The following IDE variants were observed in gnomAD, a reference collection of about 807,000 sequenced individuals.
IDE encodes the protein insulin-degrading enzyme.
IDE carries 58 observed loss-of-function variants against 133.2 expected under a neutral mutation model. The ratio of observed to expected loss-of-function variants is 0.44; its 90% CI spans 0.35 to 0.54. The LOEUF is 0.54. Among genes scored for constraint, IDE ranks in the 20% least tolerant of loss-of-function variants. The pLI is 0.00. For synonymous variants in IDE, 396 were observed against 421.3 expected (o/e 0.94, Z 0.73); for missense variants, 981 against 1,234.0 (o/e 0.79, Z 3.07).
intron 12 of IDE, among the ~76,000 whole-genome samples, chr10:92,489,750 T>G (rs79606573): frequency 0.019 from 2,944 of 152,324 alleles, 45 homozygotes; most frequent in Admixed American, 0.052. Flanking sequence ...CCAGTGATGA[T>G]CTTCTTTCTT....
At chr10:92,467,271 C>G (rs1370362273) in intron 19 of IDE, among the ~76,000 whole-genome samples, 1 of 152,052 alleles carries the variant, frequency 6.6e-6, no homozygotes, top group Non-Finnish European at 1.5e-5. Flanking sequence ...GAAACAAGTT[C>G]TATTTTACCC....
chr10:92,510,002 T>G, intron 6 of IDE, 48 bp downstream of exon 6: 1 of 881,594 alleles, frequency 1.1e-6, no homozygotes, highest in Non-Finnish European at 1.9e-6. Flanking sequence ...TAGGTATATA[T>G]TATGTCCATA....
intron 1 of IDE, among the ~76,000 whole-genome samples, chr10:92,542,985 T>C (rs1589513230): frequency 6.6e-6 from 1 of 152,264 alleles, no homozygotes. Flanking sequence ...AAGTGTTTCA[T>C]GATCAATATA....
At chr10:92,564,186 G>T (rs1210243872) in intron 1 of IDE, among the ~76,000 whole-genome samples, 1 of 151,982 alleles carries the variant, frequency 6.6e-6, no homozygotes, top group East Asian at 1.9e-4. Context: ...AGCCAAGAAA[G>T]AAAAAAATTT....
intron 6 of IDE, among the ~76,000 whole-genome samples, chr10:92,509,775 G>C (rs1364442595): frequency 6.6e-6 from 1 of 151,928 alleles, no homozygotes; most frequent in South Asian, 2.1e-4. Flanking sequence ...ACAAAAATTA[G>C]CCAGGTGTGG....
intron 14 of IDE, chr10:92,479,749 G>GGCCAAAAT (rs1183802790): frequency 4.9e-6 from 1 of 202,580 alleles, no homozygotes; most frequent in African/African-American, 2.3e-5. Context: ...AGTGGGAACG[G>GGCCAAAAT]GCCAAAATGC....
At chr10:92,493,951 A>G (rs924715853) in intron 11 of IDE, among the ~76,000 whole-genome samples, 182 of 152,230 alleles carry the variant, frequency 1.2e-3, no homozygotes, top group Admixed American at 0.012. Flanking sequence ...GAGCACTTGA[A>G]TTAGGAGAAA....
At chr10:92,483,179 TAAG>T (rs1486155072) in intron 14 of IDE, 73 bp downstream of exon 14, 5 of 711,032 alleles carry the variant, frequency 7.0e-6, no homozygotes, top group Non-Finnish European at 9.8e-6. Flanking sequence ...CATGGATGTT[TAAG>T]AAGAACAGAC....
At chr10:92,546,983 T>G (rs1332537908) in intron 1 of IDE, among the ~76,000 whole-genome samples, 1 of 152,228 alleles carries the variant, frequency 6.6e-6, no homozygotes, top group Non-Finnish European at 1.5e-5. Flanking sequence ...TTAACATTTC[T>G]TCAAACTCAA....
At chr10:92,558,339 C>T (rs1353301520) in intron 1 of IDE, among the ~76,000 whole-genome samples, 1 of 152,192 alleles carries the variant, frequency 6.6e-6, no homozygotes, top group African/African-American at 2.4e-5. Context: ...CAGGTGTGAG[C>T]CACCATGCCT....
At chr10:92,532,864 C>T (rs1850018312) in intron 3 of IDE, among the ~76,000 whole-genome samples, 1 of 152,188 alleles carries the variant, frequency 6.6e-6, no homozygotes, top group Admixed American at 6.5e-5. Context: ...AGTTACTACG[C>T]CTCACAGTCC....
intron 22 of IDE, among the ~76,000 whole-genome samples, chr10:92,458,011 A>C (rs940725291): frequency 1.1e-4 from 17 of 152,132 alleles, no homozygotes; most frequent in African/African-American, 2.4e-5. Context: ...TCTCTTCTCC[A>C]TCTCTTGTCA....
At chr10:92,564,075 T>C (rs1340796250) in intron 1 of IDE, among the ~76,000 whole-genome samples, 1 of 152,178 alleles carries the variant, frequency 6.6e-6, no homozygotes, top group African/African-American at 2.4e-5. Flanking sequence ...TCTATACTTT[T>C]CTGTTTGGAA....
chr10:92,478,939 A>AAAT, intron 15 of IDE: 1 of 296,712 alleles, frequency 3.4e-6, no homozygotes, highest in Non-Finnish European at 5.5e-6. Flanking sequence ...TACAAAAGGA[A>AAAT]GACTTCATTT....
At chr10:92,509,035 G>T (rs559974388) in intron 6 of IDE, 145 bp from the exon 7 acceptor site, 4 of 628,876 alleles carry the variant, frequency 6.4e-6, no homozygotes, top group Admixed American at 5.3e-5. Flanking sequence ...TGACCACAAA[G>T]AAATAAATGA....
chr10:92,523,614 C>T (rs1012981489), intron 4 of IDE, among the ~76,000 whole-genome samples: 1 of 150,400 alleles, frequency 6.6e-6, no homozygotes, highest in African/African-American at 2.5e-5. Flanking sequence ...GACATGATAA[C>T]CACTTAAACC....
chr10:92,561,433 A>G (rs1419880322), intron 1 of IDE, among the ~76,000 whole-genome samples: 1 of 151,962 alleles, frequency 6.6e-6, no homozygotes. Context: ...TAAATGAGGC[A>G]AAGGGTAGTC....
At chr10:92,481,726 A>T (rs1242549237) in intron 14 of IDE, among the ~76,000 whole-genome samples, 1 of 152,212 alleles carries the variant, frequency 6.6e-6, no homozygotes, top group African/African-American at 2.4e-5. Context: ...GAAACAGAAC[A>T]GTGGTTACCT....
At chr10:92,531,956 A>AT in intron 3 of IDE, 39 bp from the exon 4 acceptor site, 1 of 1,364,424 alleles carries the variant, frequency 7.3e-7, no homozygotes, top group Non-Finnish European at 9.8e-7. Flanking sequence ...GAAAGATGTC[A>AT]TTTTAAAACA....
Sources: gnomAD v4.1 joint callset for allele counts (sites outside exome capture counted in the v4.1 genomes callset) on GRCh38, gnomAD v4.1.1 for gene constraint, MANE v1.5 for transcripts, NCBI Gene and HGNC (gene_info 2026-07-23, HGNC 2026-07-21) for gene names.